Variants in ZFP64 observed in about 807,000 individuals in gnomAD.
The protein encoded by ZFP64 is zinc finger protein 64.
ZFP64 carries 14 observed loss-of-function variants against 51.6 expected under a neutral mutation model. That is an observed-to-expected ratio of 0.27 (90% CI 0.18 to 0.42). The LOEUF is 0.42. Ranked by LOEUF, ZFP64 falls within the 10% of genes least tolerant of loss-of-function variation. The probability of loss-of-function intolerance (pLI) is 1.00; values close to 1 mark genes in which losing one functional copy is unlikely to be tolerated. For missense variants in ZFP64, 754 were observed against 906.8 expected (o/e 0.83, Z 2.16); for synonymous variants, 375 against 361.4 (o/e 1.04, Z -0.43).
Position 52,181,142 on chromosome 20 carries a change from C to A in ZFP64, c.286+5690G>T, listed in dbSNP as rs369965097. Among the ~76,000 whole-genome samples, 21 of 152,206 alleles carry A rather than the reference C, an allele frequency of 1.4e-4. No individual in the cohort carries two copies. The East Asian group carries it at 1.9e-3, about 14-fold the overall frequency. On this transcript the variant is annotated intron_variant, in intron 2 of 5. Transcript: ENST00000216923. ...ATTTTTAGTAGAGATGGGGGTTTCA[C>A]CACATTGGCCAGGCTGGTCTCGAAC...
intron 2 of ZFP64, among the ~76,000 whole-genome samples, chr20:52,174,087 C>G (rs1982976106): frequency 6.6e-6 from 1 of 152,196 alleles, no homozygotes; most frequent in Admixed American, 6.5e-5. Context: ...CTTTCCATTA[C>G]TGTTCCCCCT....
At chr20:52,162,935 G>A (rs1375244260) in intron 4 of ZFP64, among the ~76,000 whole-genome samples, 3 of 152,086 alleles carry the variant, frequency 2.0e-5, no homozygotes, top group Admixed American at 1.3e-4. Flanking sequence ...AATGTAGACA[G>A]AGACCGCAGA....
chr20:52,088,433 C>T (rs746997556), exon 8 of ZFP64: 11 of 1,614,056 alleles, frequency 6.8e-6, no homozygotes, highest in Admixed American at 1.7e-5. Context: ...GCTGGAGTTG[C>T]GGCTGGCATA....
intron 5 of ZFP64, among the ~76,000 whole-genome samples, chr20:52,136,535 T>C (rs1979990692): frequency 6.6e-6 from 1 of 152,070 alleles, no homozygotes; most frequent in African/African-American, 2.4e-5. Context: ...AAACTCAGAG[T>C]TTACATCAAT....
intron 7 of ZFP64, among the ~76,000 whole-genome samples, chr20:52,095,445 CAG>C (rs2078978111): frequency 6.6e-6 from 1 of 151,886 alleles, no homozygotes; most frequent in South Asian, 2.1e-4. Context: ...CATCATGGTG[CAG>C]AAATACTTTG....
At chr20:52,169,573 A>G (rs537699092) in intron 2 of ZFP64, among the ~76,000 whole-genome samples, 14 of 152,120 alleles carry the variant, frequency 9.2e-5, no homozygotes. Context: ...CTCTCTCCAG[A>G]GATTGGCTGG....
exon 9 of ZFP64, chr20:52,084,832 G>C (rs1270758898): frequency 6.2e-7 from 1 of 1,614,070 alleles, no homozygotes; most frequent in Admixed American, 1.7e-5. Flanking sequence ...AGAGGGGCCC[G>C]GTTCTCCGTC....
chr20:52,144,915 A>G (rs1373403878), intron 5 of ZFP64, among the ~76,000 whole-genome samples: 1 of 152,212 alleles, frequency 6.6e-6, no homozygotes. Context: ...ACTAAAATTG[A>G]TCCAGATAAG....
At chr20:52,101,534 G>A (rs1036083057) in intron 5 of ZFP64, among the ~76,000 whole-genome samples, 1 of 152,088 alleles carries the variant, frequency 6.6e-6, no homozygotes, top group Non-Finnish European at 1.5e-5. Flanking sequence ...CACATGCCTA[G>A]TTTTTGTATT....
chr20:52,155,440 A>C (rs1421618261), intron 5 of ZFP64, among the ~76,000 whole-genome samples: 4 of 152,194 alleles, frequency 2.6e-5, no homozygotes, highest in Non-Finnish European at 5.9e-5. Flanking sequence ...CTGTAGACTC[A>C]AAGTCAGAAT....
chr20:52,180,705 C>A (rs927539238), intron 2 of ZFP64, among the ~76,000 whole-genome samples: 1 of 152,102 alleles, frequency 6.6e-6, no homozygotes, highest in Non-Finnish European at 1.5e-5. Context: ...AGTGACAGCT[C>A]GAAATGGCTT....
At position 52,115,129 on chromosome 20, in the gene ZFP64, G is replaced by A. The variant is rs1052059294; in HGVS notation, c.764-16542C>T. On this transcript the variant is annotated intron_variant, in intron 5 of 8. Transcript: ENST00000361387. ...TGAGGCAGGAGAATGGCATGAACCC[G>A]GGAGGCAGAGCTTGCAGTGAGCCAA... is the stretch of plus-strand genomic sequence containing the variant. 1.9e-4 allele frequency among the ~76,000 whole-genome samples: 29 copies of A among 151,352 alleles called. No individual in the cohort carries two copies. The South Asian group carries it at 4.0e-3, about 21-fold the overall frequency.
chr20:52,097,490 T>C, intron 6 of ZFP64: 1 of 1,333,866 alleles, frequency 7.5e-7, no homozygotes, highest in South Asian at 1.6e-5. Flanking sequence ...AGTTTTGCTC[T>C]GTCGCCCAGG....
intron 5 of ZFP64, chr20:52,110,964 G>T: frequency 1.3e-6 from 2 of 1,528,140 alleles, no homozygotes; most frequent in Non-Finnish European, 1.8e-6. Context: ...ACTTCACCAA[G>T]ACGAACCTGC....
At chr20:52,092,884 A>AGATC (rs1325370006) in intron 7 of ZFP64, among the ~76,000 whole-genome samples, 2 of 152,180 alleles carry the variant, frequency 1.3e-5, no homozygotes, top group African/African-American at 4.8e-5. Flanking sequence ...GAAACAAAAC[A>AGATC]GATCGATAAC....
In ZFP64 at chr20:52,160,386, T is replaced by C. The variant is rs766869596; in HGVS notation, c.512-12A>G. ...ATGGGGTTTGTCTCCTTCAAACACA[T>C]ACACACACAGATGGCAGCAGGAAAC... On this transcript the variant is annotated splice_polypyrimidine_tract_variant and intron_variant, in intron 4 of 5. Transcript: ENST00000216923. The surrounding 1 kb of genome is among the most constrained non-coding windows in gnomAD (Gnocchi z 4.2). The C allele has an allele frequency of 6.3e-7, 1 of 1,595,914 alleles. No individual in the cohort carries two copies. Among genetic ancestry groups the C allele is most frequent in the South Asian group, 1.1e-5 (1 of 89,402 alleles).
At chr20:52,189,347 G>T (rs941944128) in intron 1 of ZFP64, among the ~76,000 whole-genome samples, 3 of 149,306 alleles carry the variant, frequency 2.0e-5, no homozygotes, top group Admixed American at 2.0e-4. Flanking sequence ...AGTGAGCCAA[G>T]ATCATGCCAC....
intron 2 of ZFP64, among the ~76,000 whole-genome samples, chr20:52,173,730 C>T (rs928709001): frequency 1.1e-4 from 16 of 151,606 alleles, no homozygotes; most frequent in African/African-American, 3.6e-4. Context: ...CTCACAGCAA[C>T]CTCCGCTACC....
In ZFP64 at chr20:52,122,781, G is replaced by T. The variant is rs1237421520; in HGVS notation, c.764-24194C>A. Among the ~76,000 whole-genome samples the T allele has an allele frequency of 2.0e-5, 3 of 152,122 alleles. No homozygotes were observed. The East Asian group carries it at 5.8e-4, about 29-fold the overall frequency. ...TGTGGTAGAGATAGCAAGAGAACTG[G>T]AATCAGAAGTGGAGCCTGAACTACT... On this transcript the variant is annotated intron_variant, in intron 5 of 8. Transcript: ENST00000361387.
Sources: allele counts gnomAD v4.1 joint callset (sites outside exome capture counted in the v4.1 genomes callset), GRCh38; gene constraint gnomAD v4.1.1; non-coding constraint Gnocchi (gnomAD v3.1); transcripts MANE v1.5; gene names NCBI Gene and HGNC (gene_info 2026-07-23, HGNC 2026-07-21).